Variants in CDH13 observed in about 807,000 individuals in gnomAD.
CDH13 encodes cadherin-13.
CDH13 carries 24 observed loss-of-function variants against 63.8 expected under a neutral mutation model. The observed-to-expected ratio is 0.38, with a 90% CI of 0.27 to 0.53. CDH13 has a LOEUF of 0.53. Among genes scored for constraint, CDH13 ranks in the 20% least tolerant of loss-of-function variants. CDH13 has a pLI of 0.85. For missense variants in CDH13, 1,049 were observed against 903.1 expected (o/e 1.16, Z -2.07); for synonymous variants, 503 against 355.3 (o/e 1.42, Z -4.67).
At chr16:83,029,228 A>G (rs2151468276) in intron 2 of CDH13, among the ~76,000 whole-genome samples, 1 of 152,202 alleles carries the variant, frequency 6.6e-6, no homozygotes, top group Non-Finnish European at 1.5e-5. Context: ...ATCAGTTTAG[A>G]TTTTCAGATA....
chr16:82,828,412 G>A (rs1311538809), intron 1 of CDH13, among the ~76,000 whole-genome samples: 2 of 152,120 alleles, frequency 1.3e-5, no homozygotes, highest in African/African-American at 4.8e-5. Flanking sequence ...GAGGCCAGGA[G>A]TTCAATACTA....
At chr16:83,551,191 C>T (rs369352438) in intron 7 of CDH13, among the ~76,000 whole-genome samples, 4 of 152,060 alleles carry the variant, frequency 2.6e-5, no homozygotes, top group Non-Finnish European at 4.4e-5. Context: ...AAGTGATTCT[C>T]GTGTCTCAGC....
intron 2 of CDH13, among the ~76,000 whole-genome samples, chr16:82,970,303 C>G (rs1276308052): frequency 1.3e-5 from 2 of 151,608 alleles, no homozygotes; most frequent in African/African-American, 4.8e-5. Flanking sequence ...ATATATGTGC[C>G]ACATTTTCTT....
intron 1 of CDH13, among the ~76,000 whole-genome samples, chr16:82,784,785 C>T (rs2035924624): frequency 6.6e-6 from 1 of 152,096 alleles, no homozygotes; most frequent in South Asian, 2.1e-4. Context: ...ACAGACTTAA[C>T]CAGGCAGATG....
intron 1 of CDH13, among the ~76,000 whole-genome samples, chr16:82,656,202 C>A (rs184478385): frequency 6.6e-6 from 1 of 151,954 alleles, no homozygotes; most frequent in South Asian, 2.1e-4. Context: ...GTGGGGGCTT[C>A]AAGCAGAGAA....
intron 10 of CDH13, among the ~76,000 whole-genome samples, chr16:83,730,016 G>A (rs928937323): frequency 6.6e-5 from 10 of 152,154 alleles, no homozygotes; most frequent in Middle Eastern, 3.2e-3. Context: ...GGACCCTCAC[G>A]GTGCTATACA....
At chr16:83,778,170 A>C (rs72802870) in intron 11 of CDH13, among the ~76,000 whole-genome samples, 4,136 of 152,366 alleles carry the variant, frequency 0.027, 94 homozygotes, top group Non-Finnish European at 0.038. Context: ...CAAATGATTA[A>C]AGATGAACTC....
At chr16:83,044,045 G>C (rs768341014) in intron 3 of CDH13, among the ~76,000 whole-genome samples, 2 of 152,108 alleles carry the variant, frequency 1.3e-5, no homozygotes, top group Non-Finnish European at 2.9e-5. Context: ...TGCATTTTTT[G>C]AAAGGATGGA....
chr16:83,698,709 C>T (rs1905760064), intron 10 of CDH13, among the ~76,000 whole-genome samples: 1 of 152,244 alleles, frequency 6.6e-6, no homozygotes, highest in Non-Finnish European at 1.5e-5. Context: ...TAACCCCAAC[C>T]TTCTTACTTC....
chr16:82,829,615 T>A (rs955933544), intron 1 of CDH13: 1 of 152,004 alleles, frequency 6.6e-6, no homozygotes, highest in African/African-American at 2.4e-5. Flanking sequence ...GCAACATGAG[T>A]TAATGAAATT....
intron 3 of CDH13, among the ~76,000 whole-genome samples, chr16:83,081,268 C>G (rs950503595): frequency 6.6e-6 from 1 of 152,028 alleles, no homozygotes; most frequent in Non-Finnish European, 1.5e-5. Flanking sequence ...GTGTATCAAC[C>G]TCAGTAGAAG....
chr16:82,776,699 C>T (rs1487382375), intron 1 of CDH13, among the ~76,000 whole-genome samples: 1 of 152,150 alleles, frequency 6.6e-6, no homozygotes, highest in African/African-American at 2.4e-5. Flanking sequence ...GGTTTTCTCT[C>T]CAGATTGAAC....
intron 8 of CDH13, among the ~76,000 whole-genome samples, chr16:83,635,018 C>G (rs1911128214): frequency 1.3e-5 from 2 of 152,290 alleles, no homozygotes; most frequent in South Asian, 4.1e-4. Context: ...GTGGCTAAAC[C>G]ATTTTCATCC....
intron 1 of CDH13, among the ~76,000 whole-genome samples, chr16:82,808,831 A>T (rs537746278): frequency 6.6e-6 from 1 of 152,208 alleles, no homozygotes; most frequent in East Asian, 1.9e-4. Flanking sequence ...TCCTGGTGTG[A>T]GTCTGCCAAA....
intron 2 of CDH13, among the ~76,000 whole-genome samples, chr16:82,956,632 C>G (rs1475351109): frequency 6.6e-6 from 1 of 152,176 alleles, no homozygotes; most frequent in Non-Finnish European, 1.5e-5. Context: ...CTTCATGACC[C>G]AGCCCCTGAT....
intron 1 of CDH13, among the ~76,000 whole-genome samples, chr16:82,674,176 C>T (rs896259280): frequency 1.3e-5 from 2 of 152,150 alleles, no homozygotes; most frequent in South Asian, 2.1e-4. Flanking sequence ...CACCTCATTT[C>T]AATAAATCTT....
Position 83,382,471 on chromosome 16 carries a change from A to G in CDH13, c.781+37465A>G, listed in dbSNP as rs370128998. Among the ~76,000 whole-genome samples, 7 of 152,266 alleles carry G rather than the reference A, an allele frequency of 4.6e-5. No homozygotes were observed. In the East Asian group the frequency reaches 1.4e-3, roughly 29 times the overall value. On this transcript the variant is annotated intron_variant, in intron 6 of 13. Transcript: ENST00000567109. ...CCCAGCTATTCACATTTCACTGCGT[A>G]CACTCTATCTCCCTATGTATGTATC...
intron 1 of CDH13, among the ~76,000 whole-genome samples, chr16:82,701,405 G>A (rs2031010014): frequency 2.6e-5 from 4 of 152,026 alleles, no homozygotes. Flanking sequence ...CTTCTTCTCT[G>A]GGTGTTTGAC....
chr16:83,658,161 A>G (rs1452154718), intron 8 of CDH13, among the ~76,000 whole-genome samples: 4 of 123,522 alleles, frequency 3.2e-5, no homozygotes, highest in Admixed American at 8.4e-5. Flanking sequence ...ACCAGGTCCC[A>G]TGTCCTCACC....
Sources: allele counts gnomAD v4.1 joint callset (sites outside exome capture counted in the v4.1 genomes callset), GRCh38; gene constraint gnomAD v4.1.1; transcripts MANE v1.5; gene names NCBI Gene and HGNC (gene_info 2026-07-23, HGNC 2026-07-21).